TBC1D32: variants seen among roughly 807,000 people sequenced by gnomAD.
The protein encoded by TBC1D32 is TBC1 domain family member 32.
Under a neutral mutation model 170.3 loss-of-function variants are expected in TBC1D32, and 151 were observed. That is an observed-to-expected ratio of 0.89 (90% confidence interval 0.78 to 1.01). TBC1D32 has a LOEUF of 1.01. Ranked by LOEUF, TBC1D32 falls within the 50% of genes least tolerant of loss-of-function variation. The probability of loss-of-function intolerance (pLI) is 0.00; values close to 1 mark genes in which losing one functional copy is unlikely to be tolerated. For missense variants in TBC1D32, 1,464 were observed against 1,457.1 expected (o/e 1.00, Z -0.08); for synonymous variants, 498 against 488.0 (o/e 1.02, Z -0.27).
intron 30 of TBC1D32, among the ~76,000 whole-genome samples, chr6:121,094,439 T>A (rs1354916695): frequency 6.6e-6 from 1 of 152,074 alleles, no homozygotes; most frequent in African/African-American, 2.4e-5. Flanking sequence ...AGTGGTGGGA[T>A]TACCTGCATG....
At chr6:121,157,321 A>G (rs1337726239) in intron 24 of TBC1D32, among the ~76,000 whole-genome samples, 3 of 152,114 alleles carry the variant, frequency 2.0e-5, no homozygotes, top group Non-Finnish European at 4.4e-5. Flanking sequence ...CTGATACAAG[A>G]ACTGCAACAC....
chr6:121,209,854 C>T (rs1215690691), intron 21 of TBC1D32, among the ~76,000 whole-genome samples: 1 of 152,116 alleles, frequency 6.6e-6, no homozygotes, highest in Non-Finnish European at 1.5e-5. Flanking sequence ...CACTTGCAGT[C>T]CTGTTTCCAG....
intron 22 of TBC1D32, among the ~76,000 whole-genome samples, chr6:121,161,446 T>TA (rs139391561): frequency 0.025 from 3,758 of 152,280 alleles, 166 homozygotes; most frequent in East Asian, 0.13. Context: ...AGTGAGAACA[T>TA]AGAGTATTTG....
intron 24 of TBC1D32, among the ~76,000 whole-genome samples, chr6:121,132,083 A>G (rs1781496148): frequency 6.6e-6 from 1 of 152,000 alleles, no homozygotes; most frequent in Admixed American, 6.6e-5. Context: ...AAATTTCACT[A>G]TGTGGACTGA....
chr6:121,139,166 G>T (rs528031826), intron 24 of TBC1D32, among the ~76,000 whole-genome samples: 3 of 152,204 alleles, frequency 2.0e-5, no homozygotes, highest in African/African-American at 7.2e-5. Context: ...ATTTTTCAAA[G>T]AATTTTTACT....
rs750666341 is a variant in TBC1D32 at position 121,239,058 on chromosome 6, A to G, written c.2364+12T>C. ...TTCAAATCTGTGTATTATTAGTCAAATAACTTCTTACCTTTTGACAGCTTC... is the reference window on the plus strand; with the variant it reads ...TTCAAATCTGTGTATTATTAGTCAAGTAACTTCTTACCTTTTGACAGCTTC... On this transcript the variant is annotated intron_variant, in intron 20 of 31. Transcript: ENST00000398212. The G allele has an allele frequency of 1.7e-5, 25 of 1,481,098 alleles. No individual in the cohort carries two copies. The highest frequency in any genetic ancestry group is 2.3e-5 in the Non-Finnish European group (25 of 1,069,286). 91.7% of individuals were successfully genotyped at this position (1,481,098 alleles called of 1,614,324 possible).
intron 26 of TBC1D32, among the ~76,000 whole-genome samples, chr6:121,124,996 C>A (rs138701926): frequency 6.2e-4 from 94 of 152,254 alleles, no homozygotes; most frequent in African/African-American, 1.8e-3. Flanking sequence ...TTTGTGAGAT[C>A]ACACATCTCT....
At chr6:121,243,722 T>C (rs1219804475) in intron 17 of TBC1D32, among the ~76,000 whole-genome samples, 2 of 149,738 alleles carry the variant, frequency 1.3e-5, no homozygotes, top group Non-Finnish European at 3.0e-5. Context: ...ATACATAACA[T>C]GAAATCCATG....
At chr6:121,270,135 C>T (rs1458612834) in intron 15 of TBC1D32, among the ~76,000 whole-genome samples, 1 of 151,990 alleles carries the variant, frequency 6.6e-6, no homozygotes, top group Non-Finnish European at 1.5e-5. Context: ...AAATTTATAG[C>T]ACTAAATGCC....
chr6:121,279,119 A>G lies in TBC1D32; in HGVS notation c.1733+2T>C. 1.3e-6 allele frequency: 2 copies of G among 1,589,626 alleles called. No individual in the cohort carries two copies. Among genetic ancestry groups the G allele is most frequent in the Non-Finnish European group, 1.7e-6 (2 of 1,173,892 alleles). ...ATTATCCGGATTTAAAATAGCACAT[A>G]CCTTTCTTCAGAAGAGTTCATATTT... On this transcript the variant is annotated splice_donor_variant, in intron 15 of 31. Coordinates refer to ENST00000398212, the MANE Select transcript of TBC1D32 (RefSeq NM_152730.6). LOFTEE classifies it high-confidence loss of function.
rs1474518632 is a variant in TBC1D32, at chr6:121,131,761, A to C, written c.2774-9T>G. The C allele has an allele frequency of 1.3e-6, 2 of 1,570,198 alleles. No homozygotes were observed. The highest frequency in any genetic ancestry group is 1.7e-6 in the Non-Finnish European group (2 of 1,145,860). On this transcript the variant is annotated splice_polypyrimidine_tract_variant and intron_variant, in intron 24 of 31. Transcript: ENST00000398212. ...CTTGTCAAGATCATTGTCTAATCAG[A>C]AAGATAACATACTATTATAATAAGA...
intron 24 of TBC1D32, among the ~76,000 whole-genome samples, chr6:121,153,551 C>A (rs1784467755): frequency 6.6e-6 from 1 of 152,156 alleles, no homozygotes; most frequent in Admixed American, 6.5e-5. Flanking sequence ...CTCTTCAGAG[C>A]CAGCAAGCAG....
chr6:121,111,090 A>G (rs1779161364), intron 29 of TBC1D32, among the ~76,000 whole-genome samples: 1 of 152,188 alleles, frequency 6.6e-6, no homozygotes, highest in Non-Finnish European at 1.5e-5. Flanking sequence ...TTCCATTCAT[A>G]TATTCCATAT....
chr6:121,150,932 T>C (rs1239569813), intron 24 of TBC1D32, among the ~76,000 whole-genome samples: 4 of 152,196 alleles, frequency 2.6e-5, no homozygotes, highest in Non-Finnish European at 5.9e-5. Flanking sequence ...CTATCTATTT[T>C]GTTAATCTTT....
intron 15 of TBC1D32, among the ~76,000 whole-genome samples, chr6:121,267,679 T>G (rs1800727207): frequency 6.6e-6 from 1 of 152,150 alleles, no homozygotes; most frequent in Non-Finnish European, 1.5e-5. Flanking sequence ...AGATGCCACC[T>G]CTGGGGACAG....
chr6:121,283,730 G>A lies in TBC1D32; in HGVS notation c.1465+88C>T, dbSNP rs987922938. 8.5e-6 allele frequency: 8 copies of A among 945,612 alleles called. No homozygotes were observed. In the African/African-American group the frequency reaches 1.2e-4, roughly 14 times the overall value. The allele number at this position is 945,612 out of a possible 1,614,324, so 58.6% of individuals were successfully genotyped here. ...TAATGAAACCTACTTACCAAAGTAG[G>A]TCAGGCACTCAAAACATCTAGACAA... On this transcript the variant is annotated intron_variant, in intron 13 of 31. Transcript: ENST00000398212.
At chr6:121,097,010 C>G (rs574867196) in intron 30 of TBC1D32, among the ~76,000 whole-genome samples, 1 of 152,248 alleles carries the variant, frequency 6.6e-6, no homozygotes, top group Non-Finnish European at 1.5e-5. Flanking sequence ...AAAACTGAAA[C>G]TGGACCCCTT....
chr6:121,228,902 T>C (rs989018050), intron 20 of TBC1D32, among the ~76,000 whole-genome samples: 6 of 152,248 alleles, frequency 3.9e-5, no homozygotes, highest in Non-Finnish European at 7.4e-5. Flanking sequence ...ACTACATATA[T>C]TTTAGATATT....
chr6:121,118,132 T>A (rs1012275814), intron 26 of TBC1D32, among the ~76,000 whole-genome samples: 1 of 151,990 alleles, frequency 6.6e-6, no homozygotes, highest in East Asian at 1.9e-4. Context: ...ATCCAATGAA[T>A]AGCAACAAAA....
Sources: allele counts gnomAD v4.1 joint callset (sites outside exome capture counted in the v4.1 genomes callset), GRCh38; gene constraint gnomAD v4.1.1; transcripts MANE v1.5; gene names NCBI Gene and HGNC (gene_info 2026-07-23, HGNC 2026-07-21).